The following INPP4B variants were observed in gnomAD, a reference collection of about 807,000 sequenced individuals.
INPP4B encodes inositol polyphosphate-4-phosphatase type II B, also known as inositol polyphosphate 4-phosphatase type II.
Under a neutral mutation model 122.5 loss-of-function variants are expected in INPP4B, and 55 were observed. The ratio of observed to expected loss-of-function variants is 0.45; its 90% CI spans 0.36 to 0.56. INPP4B has a LOEUF of 0.56. Among genes scored for constraint, INPP4B ranks in the 20% least tolerant of loss-of-function variants. INPP4B has a pLI of 0.00. For missense variants in INPP4B, 1,000 were observed against 1,097.7 expected (o/e 0.91, Z 1.26); for synonymous variants, 403 against 388.7 (o/e 1.04, Z -0.43).
At chr4:142,295,940 A>G (rs1561778604) in intron 9 of INPP4B, among the ~76,000 whole-genome samples, 1 of 152,210 alleles carries the variant, frequency 6.6e-6, no homozygotes, top group Non-Finnish European at 1.5e-5. Flanking sequence ...GGGCAAATCC[A>G]ATACAAAATT....
chr4:142,602,534 C>T (rs1285240322), intron 2 of INPP4B, among the ~76,000 whole-genome samples: 1 of 151,882 alleles, frequency 6.6e-6, no homozygotes, highest in East Asian at 1.9e-4. Flanking sequence ...CAAACAACCC[C>T]ATTAAAAAGC....
chr4:142,703,785 T>A (rs1024516120), intron 2 of INPP4B, among the ~76,000 whole-genome samples: 4 of 152,282 alleles, frequency 2.6e-5, no homozygotes, highest in African/African-American at 9.6e-5. Context: ...GAAGACCAGA[T>A]GCATTCCAGT....
At chr4:142,267,162 C>T (rs1743213512) in intron 10 of INPP4B, among the ~76,000 whole-genome samples, 1 of 152,050 alleles carries the variant, frequency 6.6e-6, no homozygotes, top group South Asian at 2.1e-4. Flanking sequence ...AAATGAATCC[C>T]TATCAAAATT....
At chr4:142,792,537 A>G (rs1376291392) in intron 1 of INPP4B, among the ~76,000 whole-genome samples, 5 of 152,082 alleles carry the variant, frequency 3.3e-5, no homozygotes, top group Non-Finnish European at 5.9e-5. Context: ...CATTGCCCCA[A>G]GGTCTTTTTC....
At chr4:142,163,294 T>G in intron 16 of INPP4B, among the ~76,000 whole-genome samples, 1 of 152,082 alleles carries the variant, frequency 6.6e-6, no homozygotes, top group African/African-American at 2.4e-5. Flanking sequence ...TTTTGTGCCA[T>G]CCTGCCTCAG....
At chr4:142,498,617 C>T (rs74460506) in intron 2 of INPP4B, among the ~76,000 whole-genome samples, 3,210 of 151,864 alleles carry the variant, frequency 0.021, 114 homozygotes, top group African/African-American at 0.072. Context: ...GGCAAAACCC[C>T]ATCTCTGAAA....
At chr4:142,806,202 C>T (rs900328422) in intron 1 of INPP4B, among the ~76,000 whole-genome samples, 2 of 142,118 alleles carry the variant, frequency 1.4e-5, no homozygotes, top group African/African-American at 5.4e-5. Flanking sequence ...TGGCGTGAAC[C>T]CGGGAGGCGG....
chr4:142,230,018 C>T (rs1389360882), intron 12 of INPP4B, among the ~76,000 whole-genome samples: 1 of 152,180 alleles, frequency 6.6e-6, no homozygotes, highest in Non-Finnish European at 1.5e-5. Context: ...CACTAACTGG[C>T]AAGTCTAAAT....
At chr4:142,550,620 A>ATTT (rs35788366) in intron 2 of INPP4B, among the ~76,000 whole-genome samples, 20 of 92,548 alleles carry the variant, frequency 2.2e-4, no homozygotes, top group African/African-American at 6.2e-4. Flanking sequence ...ATATATATAT[A>ATTT]TTTTTTTTTT....
chr4:142,531,534 G>C (rs529422615), intron 2 of INPP4B, among the ~76,000 whole-genome samples: 1 of 152,050 alleles, frequency 6.6e-6, no homozygotes, highest in Non-Finnish European at 1.5e-5. Flanking sequence ...CATTTGTGTC[G>C]TCTATGAGAA....
chr4:142,639,164 T>C (rs994270283), intron 2 of INPP4B, among the ~76,000 whole-genome samples: 4 of 152,194 alleles, frequency 2.6e-5, no homozygotes, highest in Non-Finnish European at 5.9e-5. Flanking sequence ...TATACATTAC[T>C]GGATTTGATT....
chr4:142,799,336 T>C (rs1040730287), intron 1 of INPP4B, among the ~76,000 whole-genome samples: 2 of 151,932 alleles, frequency 1.3e-5, no homozygotes, highest in African/African-American at 2.4e-5. Context: ...TTAAAAGGTA[T>C]ATATTTGTGG....
At position 142,580,653 on chromosome 4, in the gene INPP4B, T is replaced by C. The variant is rs1449360911; in HGVS notation, c.-190-117927A>G. On this transcript the variant is annotated intron_variant, in intron 2 of 25. Transcript: ENST00000262992. ...ATATTACAAGAAGACAAAATATGTA[T>C]TGAAAATCAGATTTTCTCATTAGCT... Among the ~76,000 whole-genome samples the C allele has an allele frequency of 9.9e-5, 15 of 152,170 alleles. No homozygotes were observed. In the East Asian group the frequency reaches 2.7e-3, roughly 27 times the overall value.
At chr4:142,118,651 G>A (rs1478916033) in intron 21 of INPP4B, among the ~76,000 whole-genome samples, 1 of 152,072 alleles carries the variant, frequency 6.6e-6, no homozygotes, top group East Asian at 1.9e-4. Context: ...ATTCAAGATG[G>A]ATTAAAGACT....
intron 1 of INPP4B, among the ~76,000 whole-genome samples, chr4:142,732,779 G>C (rs1483010086): frequency 6.6e-6 from 1 of 151,902 alleles, no homozygotes; most frequent in Non-Finnish European, 1.5e-5. Context: ...GGATATTCAT[G>C]GTAATCACAA....
chr4:142,749,218 CAT>C (rs1359553401), intron 1 of INPP4B, among the ~76,000 whole-genome samples: 2 of 145,042 alleles, frequency 1.4e-5, no homozygotes, highest in African/African-American at 2.5e-5. Context: ...TATGTCTCAG[CAT>C]ATATATAATA....
At chr4:142,424,357 T>C (rs932760565) in intron 5 of INPP4B, among the ~76,000 whole-genome samples, 1 of 152,040 alleles carries the variant, frequency 6.6e-6, no homozygotes, top group Non-Finnish European at 1.5e-5. Flanking sequence ...TCTTCTTCAG[T>C]GCATTCAGGT....
At chr4:142,659,170 C>T (rs1052716645) in intron 2 of INPP4B, among the ~76,000 whole-genome samples, 4 of 151,300 alleles carry the variant, frequency 2.6e-5, no homozygotes, top group Admixed American at 6.6e-5. Context: ...GAGGCCGAGG[C>T]GGGCAGATCA....
chr4:142,776,806 C>A (rs1773987644), intron 1 of INPP4B, among the ~76,000 whole-genome samples: 1 of 152,182 alleles, frequency 6.6e-6, no homozygotes, highest in South Asian at 2.1e-4. Context: ...GGATCTATCC[C>A]AGTGTAGAGT....
Sources: allele counts gnomAD v4.1 joint callset (sites outside exome capture counted in the v4.1 genomes callset), GRCh38; gene constraint gnomAD v4.1.1; transcripts MANE v1.5; gene names NCBI Gene and HGNC (gene_info 2026-07-23, HGNC 2026-07-21).